The following PEX1 variants were observed in gnomAD, a reference collection of about 807,000 sequenced individuals.
The protein encoded by PEX1 is peroxisomal ATPase PEX1.
PEX1 carries 97 observed loss-of-function variants against 152.5 expected under a neutral mutation model. That is an observed-to-expected ratio of 0.64 (90% CI 0.54 to 0.75). The LOEUF (loss-of-function observed/expected upper bound fraction) is 0.75, where lower values mean the gene tolerates loss of function less well. Among genes scored for constraint, PEX1 ranks in the 30% least tolerant of loss-of-function variants. The pLI is 0.00. For missense variants in PEX1, 1,357 were observed against 1,516.3 expected, an observed-to-expected ratio of 0.89 and a Z score of 1.74; for synonymous variants, 485 against 531.6, an observed-to-expected ratio of 0.91 and a Z score of 1.21.
intron 9 of PEX1, 78 bp from the exon 10 acceptor site, chr7:92,507,204 G>T: frequency 7.8e-7 from 1 of 1,282,094 alleles, no homozygotes; most frequent in Non-Finnish European, 1.1e-6. Flanking sequence ...GCTGAATTTT[G>T]CCTTCCCAGT....
At chr7:92,508,241 CAT>C (rs1792292849) in intron 9 of PEX1, among the ~76,000 whole-genome samples, 3 of 152,158 alleles carry the variant, frequency 2.0e-5, no homozygotes, top group Non-Finnish European at 4.4e-5. Flanking sequence ...TACATGATCA[CAT>C]GAGAGTCTGA....
intron 17 of PEX1, among the ~76,000 whole-genome samples, chr7:92,496,309 C>A (rs1238506016): frequency 1.3e-5 from 2 of 151,956 alleles, no homozygotes; most frequent in African/African-American, 4.8e-5. Context: ...AAAATAGTTA[C>A]ACTCACTGAA....
intron 16 of PEX1, among the ~76,000 whole-genome samples, chr7:92,498,089 A>AC (rs1791744387): frequency 1.3e-5 from 2 of 151,594 alleles, no homozygotes; most frequent in African/African-American, 2.4e-5. Flanking sequence ...AAAAAAAAAA[A>AC]ACTAAGGCAA....
intron 7 of PEX1, 111 bp from the exon 8 acceptor site, chr7:92,511,158 C>G: frequency 3.1e-6 from 2 of 648,418 alleles, no homozygotes; most frequent in Admixed American, 5.3e-5. Context: ...TTTTTTCCCC[C>G]CAACAGGGTC....
chr7:92,492,049 C>A (rs1206619271), intron 20 of PEX1, among the ~76,000 whole-genome samples: 3 of 152,140 alleles, frequency 2.0e-5, no homozygotes, highest in Non-Finnish European at 4.4e-5. Flanking sequence ...TATAATGTAA[C>A]AGTTCAAATA....
chr7:92,496,757 T>C lies in PEX1; in HGVS notation c.2739A>G (p.Lys913=), dbSNP rs768127515. 6.2e-6 allele frequency: 10 copies of C among 1,609,148 alleles called. No individual in the cohort carries two copies. Among genetic ancestry groups the C allele is most frequent in the Non-Finnish European group, 8.5e-6 (10 of 1,175,636 alleles). ...CAGCTTGTTCACTTGCTCCAATGTA[T>C]TTGCTGAGTAACTCTGGCCCCTATT... ...ISVKGPELLS[K]YIGASEQAVR... The change falls in exon 17 of 24, where the codon AAA becomes AAG. Residue 913 remains lysine, a synonymous_variant. Transcript: ENST00000248633.
rs2116165660 is a variant in PEX1, at chr7:92,504,826, G to A, written c.1977C>T (p.Val659=). ...SEAVWMQPSV[V]LLDDLDLIAG... Reference sequence around the variant, plus strand: ...CAATGAGGTCAAGGTCATCCAGCAGGACAACAGATGGCTGCATCCACACTG... The same window carrying A: ...CAATGAGGTCAAGGTCATCCAGCAGAACAACAGATGGCTGCATCCACACTG... The change falls in exon 12 of 24, where the codon GTC becomes GTT. Residue 659 remains valine (V), a synonymous_variant. Transcript: ENST00000248633. 6.2e-7 allele frequency: 1 copy of A among 1,613,896 alleles called. No homozygotes were observed. Among genetic ancestry groups the A allele is most frequent in the Non-Finnish European group, 8.5e-7 (1 of 1,179,794 alleles).
intron 5 of PEX1, among the ~76,000 whole-genome samples, chr7:92,515,526 T>C (rs1792698618): frequency 6.6e-6 from 1 of 152,154 alleles, no homozygotes; most frequent in Non-Finnish European, 1.5e-5. Flanking sequence ...GCTATCTTAA[T>C]CACAGGACTT....
Position 92,501,518 on chromosome 7 carries a change from A to C in PEX1, c.2572T>G (p.Leu858Val). The C allele has an allele frequency of 6.2e-7, 1 of 1,613,354 alleles. No homozygotes were observed. The highest frequency in any genetic ancestry group is 8.5e-7 in the Non-Finnish European group (1 of 1,179,320). The change falls in exon 15 of 24, where the codon TTA (leucine) becomes GTA (valine). Residue 858 changes from leucine to valine, a missense_variant. By Grantham distance (32) the Leu-to-Val change is conservative. Coordinates refer to ENST00000248633, the MANE Select transcript of PEX1 (RefSeq NM_000466.3). ...VRQILMDTIQ[L>V]PAKYPELFAN... ...TTTTTTAAACATACCTTGGCAGGTAACTGGATAGTATCCATGAGTATCTGC... is the reference window on the plus strand; with the variant it reads ...TTTTTTAAACATACCTTGGCAGGTACCTGGATAGTATCCATGAGTATCTGC...
At chr7:92,509,792 G>C (rs758492285) in intron 8 of PEX1, among the ~76,000 whole-genome samples, 1 of 152,064 alleles carries the variant, frequency 6.6e-6, no homozygotes, top group African/African-American at 2.4e-5. Context: ...TAAATGACTA[G>C]AGTATCTTCA....
chr7:92,497,036 C>A (rs1211104479), intron 16 of PEX1, among the ~76,000 whole-genome samples: 2 of 152,148 alleles, frequency 1.3e-5, no homozygotes, highest in African/African-American at 4.8e-5. Flanking sequence ...CAAATACCAC[C>A]TCTTCAGAAA....
chr7:92,503,431 T>C (rs1285113342), intron 12 of PEX1, among the ~76,000 whole-genome samples: 1 of 152,120 alleles, frequency 6.6e-6, no homozygotes, highest in Non-Finnish European at 1.5e-5. Flanking sequence ...GACCATATAC[T>C]CAGAGCAATG....
In PEX1 at chr7:92,493,941, C is replaced by T. The variant is rs149435235; in HGVS notation, c.3030+352G>A. The T allele has an allele frequency of 1.3e-3, 357 of 276,546 alleles. 1 individual carries two copies. Among genetic ancestry groups the T allele is most frequent in the African/African-American group, 7.1e-3 (318 of 44,792 alleles). The allele number at this position is 276,546 out of a possible 1,614,324, so 17.1% of individuals were successfully genotyped here. A position where few individuals can be genotyped will look rare whatever the true frequency, so the allele number is the denominator to read the frequency against. On this transcript the variant is annotated intron_variant, in intron 19 of 23. Transcript: ENST00000248633. ...TCTATGAAACCTGCTTACATGCTTA[C>T]GATTCACATGCTTGATTCTGTATCA...
rs112747515 is a variant in PEX1 at position 92,503,183 on chromosome 7, A to G, written c.2084T>C (p.Met695Thr). The G allele has an allele frequency of 1.4e-5, 23 of 1,613,414 alleles. No individual in the cohort carries two copies. Among genetic ancestry groups the G allele is most frequent in the African/African-American group, 5.3e-5 (4 of 74,920 alleles). Residue 695 changes from methionine to threonine, a missense_variant, in exon 13 of 24, where the codon ATG (methionine) becomes ACG (threonine). Transcript: ENST00000248633. ...SQRLAHALND[M>T]IKEFISMGSL... is the part of the protein sequence containing the mutation. ...TCCCATGGAGATAAACTCTTTTATC[A>G]TATCATTCAAAGCTGGAATTAAGCA...
intron 16 of PEX1, among the ~76,000 whole-genome samples, chr7:92,498,929 T>C (rs1791789029): frequency 6.6e-6 from 1 of 152,242 alleles, no homozygotes; most frequent in Non-Finnish European, 1.5e-5. Flanking sequence ...CTGTTCACAA[T>C]GCATGAAGAT....
Position 92,518,024 on chromosome 7 carries a change from G to A in PEX1, c.491C>T (p.Ala164Val). The A allele has an allele frequency of 1.2e-6, 2 of 1,614,088 alleles. No individual in the cohort carries two copies. The highest frequency in any genetic ancestry group is 1.3e-5 in the African/African-American group (1 of 75,042). ...FIQIVALIPA[A>V]SYGRLETDTK... Reference sequence around the variant, plus strand: ...GTCAGTTTCCAGCCTTCCATAAGAGGCAGCTGGTATTAGTGCAACTGTGTA... The same window carrying A: ...GTCAGTTTCCAGCCTTCCATAAGAGACAGCTGGTATTAGTGCAACTGTGTA... Residue 164 changes from alanine (A) to valine (V), a missense_variant, in exon 5 of 24, where the codon GCC (alanine) becomes GTC (valine). By Grantham distance (64) the Ala-to-Val change is moderately conservative. Coordinates refer to ENST00000248633, the MANE Select transcript of PEX1 (RefSeq NM_000466.3).
At chr7:92,501,402 T>C in intron 15 of PEX1, 105 bp downstream of exon 15, 5 of 852,894 alleles carry the variant, frequency 5.9e-6, no homozygotes, top group Non-Finnish European at 1.0e-5. Context: ...AGTAAACACT[T>C]GTTGACTCAC....
Position 92,513,961 on chromosome 7 carries a change from C to G in PEX1, c.1246G>C (p.Asp416His). The change falls in exon 6 of 24, where the codon GAT (aspartate) becomes CAT (histidine). Residue 416 changes from aspartate to histidine, a missense_variant. Transcript: ENST00000248633. ...VLHLGKVWIP[D>H]DLRKRLNIEM... ...ATATTTAGTCTCTTCCTCAGGTCAT[C>G]TGGAATCTGAAATTTAAAAATAAAC... is the stretch of plus-strand genomic sequence containing the variant. The G allele has an allele frequency of 6.4e-7, 1 of 1,566,476 alleles. No individual in the cohort carries two copies. Among genetic ancestry groups the G allele is most frequent in the Non-Finnish European group, 8.8e-7 (1 of 1,142,276 alleles).
chr7:92,516,089 A>G (rs1792766316), intron 5 of PEX1, among the ~76,000 whole-genome samples: 1 of 151,490 alleles, frequency 6.6e-6, no homozygotes, highest in Non-Finnish European at 1.5e-5. Flanking sequence ...AGAAAAGAAA[A>G]GAAAAGAAAA....
Sources: gnomAD v4.1 joint callset for allele counts (sites outside exome capture counted in the v4.1 genomes callset) on GRCh38, gnomAD v4.1.1 for gene constraint, MANE v1.5 for transcripts, NCBI Gene and HGNC (gene_info 2026-07-23, HGNC 2026-07-21) for gene names.